Variants in SYNE2 observed in about 807,000 individuals in gnomAD.
SYNE2 encodes the protein spectrin repeat containing nuclear envelope protein 2.
A neutral mutation model predicts 856.3 loss-of-function variants in SYNE2; 431 were observed. The ratio of observed to expected loss-of-function variants is 0.50; its 90% CI spans 0.47 to 0.55. SYNE2 has a LOEUF of 0.55. Among genes scored for constraint, SYNE2 ranks in the 20% least tolerant of loss-of-function variants. SYNE2 has a pLI of 0.00. For missense variants in SYNE2, 8,129 were observed against 8,023.2 expected (o/e 1.01, Z -0.50); for synonymous variants, 2,923 against 2,872.3 (o/e 1.02, Z -0.56).
intron 10 of SYNE2, among the ~76,000 whole-genome samples, chr14:63,966,560 CT>C (rs1383696927): frequency 2.4e-4 from 36 of 149,340 alleles, no homozygotes; most frequent in African/African-American, 6.7e-4. Context: ...ATCAGTAACT[CT>C]TTTTTTTCCC....
intron 12 of SYNE2, among the ~76,000 whole-genome samples, chr14:63,977,412 C>G (rs908602534): frequency 2.0e-5 from 3 of 152,118 alleles, no homozygotes; most frequent in African/African-American, 7.2e-5. Context: ...TGGGGTTTCA[C>G]CGTGTCAGCC....
intron 50 of SYNE2, 129 bp from the exon 51 acceptor site, chr14:64,065,303 T>A: frequency 1.2e-6 from 1 of 803,884 alleles, no homozygotes; most frequent in East Asian, 2.7e-5. Flanking sequence ...TCTAAAAGGA[T>A]AAGAGGTGGA....
intron 1 of SYNE2, among the ~76,000 whole-genome samples, chr14:63,768,478 A>G (rs1050841620): frequency 6.6e-6 from 1 of 152,198 alleles, no homozygotes; most frequent in Non-Finnish European, 1.5e-5. Context: ...GACTTTGTCA[A>G]TCTTATATAT....
At chr14:64,132,652 C>T (rs186715070) in intron 77 of SYNE2, among the ~76,000 whole-genome samples, 16 of 152,278 alleles carry the variant, frequency 1.1e-4, no homozygotes, top group Admixed American at 3.9e-4. Flanking sequence ...GATGGTACTG[C>T]GTCTCTCTGC....
chr14:63,810,232 AAAAGAG>A (rs1888564879), intron 1 of SYNE2, among the ~76,000 whole-genome samples: 1 of 152,022 alleles, frequency 6.6e-6, no homozygotes. Flanking sequence ...CAAAAAAAAA[AAAAGAG>A]AGAGAGAGAG....
intron 1 of SYNE2, among the ~76,000 whole-genome samples, chr14:63,892,339 T>C (rs2140951252): frequency 6.6e-6 from 1 of 152,182 alleles, no homozygotes; most frequent in Non-Finnish European, 1.5e-5. Context: ...CTAGTTCAAC[T>C]TTGTAAATTT....
intron 1 of SYNE2, among the ~76,000 whole-genome samples, chr14:63,867,834 G>C (rs1041950529): frequency 6.6e-6 from 1 of 152,186 alleles, no homozygotes; most frequent in Non-Finnish European, 1.5e-5. Flanking sequence ...GTGGCAGGAG[G>C]ATCACTTAAA....
At chr14:64,188,813 G>T (rs762776051) in intron 98 of SYNE2, 105 bp downstream of exon 98, 4 of 1,245,742 alleles carry the variant, frequency 3.2e-6, no homozygotes, top group Non-Finnish European at 4.7e-6. Context: ...GTTTCCAGTA[G>T]CATTTTAGAA....
intron 2 of SYNE2, among the ~76,000 whole-genome samples, chr14:63,914,563 A>G (rs1306994026): frequency 6.6e-6 from 1 of 152,206 alleles, no homozygotes; most frequent in Non-Finnish European, 1.5e-5. Context: ...ATTAGCAAAT[A>G]TCTGGGTGTT....
intron 14 of SYNE2, among the ~76,000 whole-genome samples, chr14:63,980,403 A>G (rs111413765): frequency 3.9e-4 from 59 of 152,342 alleles, no homozygotes; most frequent in African/African-American, 1.2e-3. Context: ...GAGGAAAACT[A>G]CTATAGCACC....
At chr14:63,767,871 A>G (rs1055506430) in intron 1 of SYNE2, among the ~76,000 whole-genome samples, 1 of 152,068 alleles carries the variant, frequency 6.6e-6, no homozygotes, top group African/African-American at 2.4e-5. Flanking sequence ...ATCATTTCAC[A>G]TTTTTTTGTG....
At chr14:63,780,658 C>T (rs1034869545) in intron 1 of SYNE2, among the ~76,000 whole-genome samples, 3 of 152,122 alleles carry the variant, frequency 2.0e-5, no homozygotes, top group Non-Finnish European at 4.4e-5. Context: ...AAGTCTGGCT[C>T]TGGTAACTGA....
chr14:64,162,670 T>G (rs1297425089), intron 88 of SYNE2: 1 of 309,138 alleles, frequency 3.2e-6, no homozygotes, highest in Non-Finnish European at 6.3e-6. Context: ...TTGCTAGGCC[T>G]TTTCTGTGGG....
Position 63,982,689 on chromosome 14 carries a change from A to G in SYNE2, c.1896A>G (p.Gly632=). Residue 632 remains glycine (G), a synonymous_variant, in exon 17 of 116, where the codon GGA becomes GGG. Coordinates refer to ENST00000555002, the MANE Select transcript of SYNE2 (RefSeq NM_182914.3). ...NLEHATLNEA[G]NFLVEVSNDV... ...AACACGCTACTTTAAATGAAGCAGG[A>G]AATTTCTTAGTCGAAGTCAGCAATG... The G allele has an allele frequency of 1.9e-6, 3 of 1,614,140 alleles. No individual in the cohort carries two copies. The highest frequency in any genetic ancestry group is 2.5e-6 in the Non-Finnish European group (3 of 1,180,010).
chr14:63,859,375 C>G (rs1442737529), intron 1 of SYNE2, among the ~76,000 whole-genome samples: 1 of 151,986 alleles, frequency 6.6e-6, no homozygotes, highest in African/African-American at 2.4e-5. Flanking sequence ...TTAATTTGTT[C>G]TTATTCCAGT....
chr14:63,810,406 C>G (rs1224005891), intron 1 of SYNE2, among the ~76,000 whole-genome samples: 1 of 152,052 alleles, frequency 6.6e-6, no homozygotes, highest in Non-Finnish European at 1.5e-5. Context: ...TTCCTGGAAG[C>G]TTTTGTAAGG....
At position 64,190,864 on chromosome 14, in the gene SYNE2, A is replaced by AATG. The variant is rs1369996303; in HGVS notation, c.18038+637_18038+639dup. ...CTGATAATTTTATCTCTCCTCCCAA[A>AATG]ATGATGATGATGCCCAAAATTTTTA... On this transcript the variant is annotated intron_variant, in intron 99 of 115. Coordinates refer to ENST00000555002, the MANE Select transcript of SYNE2 (RefSeq NM_182914.3). The AATG allele has an allele frequency of 1.7e-5, 12 of 693,370 alleles. No homozygotes were observed. In the East Asian group the frequency reaches 3.2e-4, roughly 19 times the overall value. 43.0% of individuals were successfully genotyped at this position (693,370 alleles called of 1,614,324 possible).
chr14:63,821,278 C>G (rs1031208207), intron 1 of SYNE2, among the ~76,000 whole-genome samples: 3 of 152,104 alleles, frequency 2.0e-5, no homozygotes, highest in Non-Finnish European at 4.4e-5. Context: ...CATTTTGGAT[C>G]TATTAAAGTT....
chr14:64,182,849 T>G (rs2098465409), intron 96 of SYNE2, among the ~76,000 whole-genome samples: 1 of 152,372 alleles, frequency 6.6e-6, no homozygotes, highest in African/African-American at 2.4e-5. Context: ...CCCTTTTCTA[T>G]TTGACAAAAC....
Sources: gnomAD v4.1 joint callset for allele counts (sites outside exome capture counted in the v4.1 genomes callset) on GRCh38, gnomAD v4.1.1 for gene constraint, MANE v1.5 for transcripts, NCBI Gene and HGNC (gene_info 2026-07-23, HGNC 2026-07-21) for gene names.